PRKACB: variants seen among roughly 807,000 people sequenced by gnomAD.
PRKACB encodes the protein cAMP-dependent protein kinase catalytic subunit beta.
A neutral mutation model predicts 51.4 loss-of-function variants in PRKACB; 16 were observed. The ratio of observed to expected loss-of-function variants is 0.31; its 90% confidence interval spans 0.21 to 0.47. The LOEUF (loss-of-function observed/expected upper bound fraction) is 0.47, where lower values mean the gene tolerates loss of function less well. Among genes scored for constraint, PRKACB ranks in the 20% least tolerant of loss-of-function variants. PRKACB has a pLI of 1.00. For synonymous variants in PRKACB, 147 were observed against 154.4 expected (o/e 0.95, Z 0.35); for missense variants, 309 against 464.5 (o/e 0.67, Z 3.08).
intron 2 of PRKACB, among the ~76,000 whole-genome samples, chr1:84,180,522 G>A (rs1338875298): frequency 1.3e-5 from 2 of 151,382 alleles, no homozygotes; most frequent in Non-Finnish European, 2.9e-5. Flanking sequence ...TCATTAAAGA[G>A]CTTACTCATG....
chr1:84,177,199 A>T (rs1439873484), intron 1 of PRKACB, among the ~76,000 whole-genome samples: 1 of 152,078 alleles, frequency 6.6e-6, no homozygotes, highest in African/African-American at 2.4e-5. Context: ...AATATTTTTC[A>T]GAAGAAACAA....
At chr1:84,139,910 A>G (rs1653229541), upstream of PRKACB, among the ~76,000 whole-genome samples, 1 of 152,130 alleles carries the variant, frequency 6.6e-6, no homozygotes, top group African/African-American at 2.4e-5. Context: ...TAATTAAAAA[A>G]TTAGTTGGGT....
chr1:84,196,401 A>G (rs1249711906), intron 5 of PRKACB, among the ~76,000 whole-genome samples: 1 of 152,178 alleles, frequency 6.6e-6, no homozygotes, highest in East Asian at 1.9e-4. Context: ...TTTCCTCAAC[A>G]TATGCTTCCC....
At chr1:84,093,089 A>T (rs1468354011) in intron 1 of PRKACB, among the ~76,000 whole-genome samples, 1 of 152,004 alleles carries the variant, frequency 6.6e-6, no homozygotes, top group African/African-American at 2.4e-5. Context: ...ATAATTTTCA[A>T]ACGTACAAAT....
chr1:84,137,744 GT>G (rs1400097570), intron 1 of PRKACB, among the ~76,000 whole-genome samples: 1 of 152,112 alleles, frequency 6.6e-6, no homozygotes, highest in Non-Finnish European at 1.5e-5. Flanking sequence ...TACCTACCAG[GT>G]TAACAATTCT....
At chr1:84,142,106 A>G (rs1423665223), upstream of PRKACB, among the ~76,000 whole-genome samples, 1 of 152,184 alleles carries the variant, frequency 6.6e-6, no homozygotes, top group Non-Finnish European at 1.5e-5. Flanking sequence ...AGACCTTTAA[A>G]TTGTTAAAAA....
At chr1:84,113,690 C>T (rs542876308) in intron 1 of PRKACB, among the ~76,000 whole-genome samples, 5 of 152,258 alleles carry the variant, frequency 3.3e-5, no homozygotes, top group African/African-American at 1.2e-4. Context: ...GGAATCAATA[C>T]ATGCTGCAAC....
intron 5 of PRKACB, among the ~76,000 whole-genome samples, chr1:84,193,552 G>C (rs1473375086): frequency 1.3e-5 from 2 of 152,198 alleles, no homozygotes; most frequent in African/African-American, 4.8e-5. Flanking sequence ...TTGGGACAAA[G>C]TTCATTGGCA....
At chr1:84,226,506 T>C (rs1674633960) in intron 9 of PRKACB, among the ~76,000 whole-genome samples, 1 of 152,198 alleles carries the variant, frequency 6.6e-6, no homozygotes, top group Non-Finnish European at 1.5e-5. Flanking sequence ...GTTGCTATTA[T>C]TAATGTGTTT....
chr1:84,150,118 A>G (rs1353687539), intron 1 of PRKACB, among the ~76,000 whole-genome samples: 1 of 151,996 alleles, frequency 6.6e-6, no homozygotes, highest in East Asian at 1.9e-4. Context: ...TGCAAAAATT[A>G]GCCAGGCTCC....
rs541446057 is a variant in PRKACB, at chr1:84,180,057, A to C, written c.249+819A>C. 2.7e-5 allele frequency among the ~76,000 whole-genome samples: 4 copies of C among 149,378 alleles called. No homozygotes were observed. In the South Asian group the frequency reaches 8.5e-4, roughly 32 times the overall value. On this transcript the variant is annotated intron_variant, in intron 2 of 9. Transcript: ENST00000370685. ...GAGAACATAAAGACCAAAAAAAAAA[A>C]AAAAAAGAGGTCGTTATTTGAAAAA...
intron 8 of PRKACB, among the ~76,000 whole-genome samples, chr1:84,211,217 A>G (rs1256034659): frequency 1.3e-5 from 2 of 151,912 alleles, no homozygotes; most frequent in Non-Finnish European, 2.9e-5. Context: ...TATTTAGATG[A>G]TTTTATTTTT....
At chr1:84,232,994 G>C (rs889797011) in intron 9 of PRKACB, among the ~76,000 whole-genome samples, 1 of 151,816 alleles carries the variant, frequency 6.6e-6, no homozygotes, top group Non-Finnish European at 1.5e-5. Flanking sequence ...AGTTGATGCA[G>C]TTTCTTCATA....
intron 9 of PRKACB, among the ~76,000 whole-genome samples, chr1:84,225,139 G>C (rs1674374596): frequency 6.6e-6 from 1 of 152,168 alleles, no homozygotes; most frequent in Non-Finnish European, 1.5e-5. Context: ...CACAGATACA[G>C]ACTCTGGTAG....
rs1304282044 is a variant in PRKACB at position 84,167,892 on chromosome 1, C to CA, written c.188-11285_188-11284insA. On this transcript the variant is annotated intron_variant, in intron 1 of 9. Transcript: ENST00000370685. ...AGAAACTAAATTGTACCAGTCAGTA[C>CA]CTTTATCTTTCTAGTATTTAAAAAA... 4.9e-4 allele frequency among the ~76,000 whole-genome samples: 74 copies of CA among 151,416 alleles called. 2 individuals are homozygous for CA. The highest frequency in any genetic ancestry group is 3.0e-5 in the Non-Finnish European group (2 of 67,658).
At position 84,197,794 on chromosome 1, in the gene PRKACB, G is replaced by A. The variant is rs775210652; in HGVS notation, c.753G>A (p.Glu251=). The A allele has an allele frequency of 3.4e-5, 55 of 1,611,186 alleles. 1 individual carries two copies. The South Asian group carries it at 5.4e-4, about 16-fold the overall frequency. The change falls in exon 7 of 10, where the codon GAG becomes GAA. Residue 251 remains glutamate, a synonymous_variant. Coordinates refer to ENST00000370685, the MANE Select transcript of PRKACB (RefSeq NM_182948.4). ...GRTWTLCGTP[E]YLAPEIILSK... Reference sequence around the variant, plus strand: ...CTTGGACATTATGTGGAACTCCAGAGTATTTGGCTCCAGAAATAATTCTCA... The same window carrying A: ...CTTGGACATTATGTGGAACTCCAGAATATTTGGCTCCAGAAATAATTCTCA...
chr1:84,191,363 G>T (rs976519645), intron 5 of PRKACB, among the ~76,000 whole-genome samples: 2 of 151,846 alleles, frequency 1.3e-5, no homozygotes, highest in Admixed American at 1.3e-4. Context: ...CATCTCTTTT[G>T]GATTGTAAGG....
intron 8 of PRKACB, 67 bp from the exon 9 acceptor site, chr1:84,214,086 A>G (rs1572482988): frequency 4.2e-6 from 6 of 1,431,782 alleles, no homozygotes; most frequent in South Asian, 1.6e-5. Flanking sequence ...AAAAAACTTT[A>G]TGAAATCAAA....
chr1:84,154,509 C>T (rs867423414), intron 1 of PRKACB, among the ~76,000 whole-genome samples: 9 of 152,164 alleles, frequency 5.9e-5, no homozygotes, highest in Non-Finnish European at 1.3e-4. Context: ...AATGCCAGTC[C>T]TTCTCAAACT....
Sources: allele counts gnomAD v4.1 joint callset (sites outside exome capture counted in the v4.1 genomes callset), GRCh38; gene constraint gnomAD v4.1.1; transcripts MANE v1.5; gene names NCBI Gene and HGNC (gene_info 2026-07-23, HGNC 2026-07-21).